CNGB3: variants seen among roughly 807,000 people sequenced by gnomAD.
The protein encoded by CNGB3 is cyclic nucleotide-gated channel beta-3.
In CNGB3, 86 loss-of-function variants were observed where a neutral mutation model predicts 92.8. The observed-to-expected ratio is 0.93, with a 90% CI of 0.78 to 1.11. The LOEUF is 1.11. CNGB3 is among the 50% of genes least tolerant of loss of function. CNGB3 has a pLI of 0.00. For synonymous variants in CNGB3, 333 were observed against 332.7 expected, an observed-to-expected ratio of 1.00 and a Z score of -0.01; for missense variants, 1,026 against 956.8, an observed-to-expected ratio of 1.07 and a Z score of -0.95.
intron 3 of CNGB3, among the ~76,000 whole-genome samples, chr8:86,695,439 T>C (rs1397924068): frequency 3.3e-5 from 5 of 152,228 alleles, no homozygotes; most frequent in African/African-American, 1.2e-4. Context: ...CTTCTACTTG[T>C]TCAATTCTAT....
intron 1 of CNGB3, among the ~76,000 whole-genome samples, chr8:86,740,919 G>A (rs368600490): frequency 2.6e-5 from 4 of 152,040 alleles, no homozygotes; most frequent in South Asian, 2.1e-4. Context: ...CTTTTGCATC[G>A]TTATGATGTT....
At chr8:86,627,491 G>T (rs900496997) in intron 12 of CNGB3, among the ~76,000 whole-genome samples, 6 of 152,078 alleles carry the variant, frequency 3.9e-5, no homozygotes, top group Non-Finnish European at 8.8e-5. Context: ...AATAACCAGT[G>T]GTTTCTGTCT....
At chr8:86,735,343 C>A (rs1005154934) in intron 2 of CNGB3, among the ~76,000 whole-genome samples, 1 of 151,222 alleles carries the variant, frequency 6.6e-6, no homozygotes, top group African/African-American at 2.4e-5. Context: ...GGGGTTTCAC[C>A]GTGTTAGCCA....
chr8:86,695,136 A>G (rs191235271), intron 3 of CNGB3, among the ~76,000 whole-genome samples: 1 of 139,752 alleles, frequency 7.2e-6, no homozygotes, highest in Admixed American at 7.3e-5. Context: ...CTCCACCAAA[A>G]AAATACGAAA....
At chr8:86,706,538 T>C (rs1022771247) in intron 3 of CNGB3, among the ~76,000 whole-genome samples, 1 of 152,184 alleles carries the variant, frequency 6.6e-6, no homozygotes, top group African/African-American at 2.4e-5. Context: ...ATCTTAATCC[T>C]GGGGGAAGTA....
intron 14 of CNGB3, among the ~76,000 whole-genome samples, chr8:86,610,308 A>T (rs1002333407): frequency 6.6e-6 from 1 of 152,164 alleles, no homozygotes; most frequent in African/African-American, 2.4e-5. Flanking sequence ...ATATTGAGAA[A>T]TATTTACTGA....
At chr8:86,712,886 T>A (rs1824776424) in intron 3 of CNGB3, among the ~76,000 whole-genome samples, 1 of 151,930 alleles carries the variant, frequency 6.6e-6, no homozygotes, top group African/African-American at 2.4e-5. Context: ...ATACTGCGCC[T>A]GGCTTTCTGG....
chr8:86,632,762 A>C lies in CNGB3; in HGVS notation c.1310T>G (p.Leu437Ter), dbSNP rs2131585371. The C allele has an allele frequency of 7.4e-6, 12 of 1,613,168 alleles. No homozygotes were observed. The highest frequency in any genetic ancestry group is 1.0e-5 in the Non-Finnish European group (12 of 1,179,748). ...TCATACTCAGCTTACCTGACCAATT[A>C]AACTGGAGAACACAAAAACTCCAGA... ...FFSGVFVFSS[L>*]IGQMRDVIGA... The change falls in exon 11 of 18, where the codon TTA becomes TGA. Residue 437 changes from leucine to a stop codon, truncating the protein, a stop_gained. Transcript: ENST00000320005. LOFTEE classifies it high-confidence loss of function.
chr8:86,681,873 A>G (rs975454027), intron 3 of CNGB3, among the ~76,000 whole-genome samples: 3 of 152,158 alleles, frequency 2.0e-5, no homozygotes, highest in Non-Finnish European at 4.4e-5. Flanking sequence ...CCTAGATAAG[A>G]TTATCTCTTT....
At chr8:86,695,520 T>C (rs1320035381) in intron 3 of CNGB3, among the ~76,000 whole-genome samples, 2 of 152,178 alleles carry the variant, frequency 1.3e-5, no homozygotes, top group East Asian at 1.9e-4. Flanking sequence ...GTAATTGTCT[T>C]TTCTTTACGA....
At chr8:86,638,904 T>C (rs1823125946) in intron 10 of CNGB3, among the ~76,000 whole-genome samples, 1 of 151,800 alleles carries the variant, frequency 6.6e-6, no homozygotes, top group Non-Finnish European at 1.5e-5. Context: ...AATTGTAATA[T>C]AAATATCCTC....
intron 15 of CNGB3, among the ~76,000 whole-genome samples, chr8:86,585,312 T>C (rs561997696): frequency 6.6e-6 from 1 of 151,982 alleles, no homozygotes; most frequent in South Asian, 2.1e-4. Context: ...TTTGTGTGTA[T>C]GTATATATAT....
intron 3 of CNGB3, among the ~76,000 whole-genome samples, chr8:86,678,587 A>G (rs930319334): frequency 6.6e-5 from 10 of 152,118 alleles, no homozygotes; most frequent in Non-Finnish European, 1.0e-4. Flanking sequence ...TCCACACCCC[A>G]TGTTAGCCGT....
At chr8:86,631,992 C>T (rs1266574888) in intron 11 of CNGB3, among the ~76,000 whole-genome samples, 5 of 151,948 alleles carry the variant, frequency 3.3e-5, no homozygotes, top group Non-Finnish European at 7.4e-5. Flanking sequence ...CCTTCTGTAT[C>T]AGGTTCTTAC....
chr8:86,722,801 G>T (rs899658819), intron 3 of CNGB3, among the ~76,000 whole-genome samples: 3 of 151,910 alleles, frequency 2.0e-5, no homozygotes, highest in African/African-American at 7.3e-5. Context: ...TTTCCTTTTG[G>T]GTCTCAAGTT....
chr8:86,628,681 C>T (rs543596679), intron 12 of CNGB3, among the ~76,000 whole-genome samples: 10 of 151,730 alleles, frequency 6.6e-5, no homozygotes, highest in African/African-American at 9.7e-5. Context: ...TGTGTAATAC[C>T]GAGCATCCAG....
intron 14 of CNGB3, among the ~76,000 whole-genome samples, chr8:86,609,293 TC>T (rs549837934): frequency 1.6e-3 from 239 of 152,344 alleles, no homozygotes; most frequent in African/African-American, 5.7e-3. Context: ...TAAAGTCATG[TC>T]ATTTCAGTAC....
intron 15 of CNGB3, among the ~76,000 whole-genome samples, chr8:86,596,300 A>G (rs538122933): frequency 2.6e-5 from 4 of 152,170 alleles, no homozygotes; most frequent in Non-Finnish European, 5.9e-5. Context: ...AATTGGTTCA[A>G]TTTTTTTCTG....
At chr8:86,694,910 G>A (rs1824417102) in intron 3 of CNGB3, among the ~76,000 whole-genome samples, 1 of 152,176 alleles carries the variant, frequency 6.6e-6, no homozygotes, top group Admixed American at 6.5e-5. Context: ...CGCCCGGGCA[G>A]AGGCTGCAAT....
Sources: allele counts gnomAD v4.1 joint callset (sites outside exome capture counted in the v4.1 genomes callset), GRCh38; gene constraint gnomAD v4.1.1; transcripts MANE v1.5; gene names NCBI Gene and HGNC (gene_info 2026-07-23, HGNC 2026-07-21).